Variants in FBXO47 observed in about 807,000 individuals in gnomAD.
FBXO47 encodes the protein F-box protein 47, also known as F-box only protein 47.
FBXO47 carries 34 observed loss-of-function variants against 53.9 expected under a neutral mutation model. The ratio of observed to expected loss-of-function variants is 0.63; its 90% confidence interval spans 0.48 to 0.84. The LOEUF is 0.84. FBXO47 is among the 40% of genes least tolerant of loss of function. The pLI, the probability that FBXO47 is intolerant of heterozygous loss-of-function variation, is 0.00. For missense variants in FBXO47, 485 were observed against 541.3 expected, an observed-to-expected ratio of 0.90 and a Z score of 1.03; for synonymous variants, 165 against 181.6, an observed-to-expected ratio of 0.91 and a Z score of 0.73.
At chr17:38,964,316 C>T (rs914369276) in intron 1 of FBXO47, among the ~76,000 whole-genome samples, 22 of 152,022 alleles carry the variant, frequency 1.4e-4, no homozygotes, top group African/African-American at 5.3e-4. Flanking sequence ...AAAAATTAGG[C>T]TGGGCCCAGT....
chr17:38,955,112 G>A (rs541218495), intron 4 of FBXO47, among the ~76,000 whole-genome samples, 179 bp from the exon 5 acceptor site: 23 of 152,290 alleles, frequency 1.5e-4, no homozygotes, highest in African/African-American at 4.6e-4. Flanking sequence ...TCTCGGCTGC[G>A]CGCGGTGGCT....
intron 3 of FBXO47, among the ~76,000 whole-genome samples, chr17:38,959,160 A>C (rs894011086): frequency 1.3e-5 from 2 of 152,094 alleles, no homozygotes; most frequent in Non-Finnish European, 2.9e-5. Context: ...TAAAAAAAAA[A>C]AACAACCACA....
chr17:38,939,823 G>A lies in FBXO47; in HGVS notation c.1084-1091C>T, dbSNP rs554040561. On this transcript the variant is annotated intron_variant, in intron 9 of 10. Coordinates refer to ENST00000378079, the MANE Select transcript of FBXO47 (RefSeq NM_001008777.3). ...GCTGGGACTACAGGCGCCCGCCACCGCGCCCGGCTAATTTTTTGTATTTTT... is the reference window on the plus strand; with the variant it reads ...GCTGGGACTACAGGCGCCCGCCACCACGCCCGGCTAATTTTTTGTATTTTT... 4.7e-5 allele frequency among the ~76,000 whole-genome samples: 7 copies of A among 150,048 alleles called. 1 individual carries two copies. Among genetic ancestry groups the A allele is most frequent in the African/African-American group, 1.2e-4 (5 of 40,576 alleles).
intron 6 of FBXO47, among the ~76,000 whole-genome samples, chr17:38,949,751 C>A (rs1383520482): frequency 6.6e-6 from 1 of 152,118 alleles, no homozygotes; most frequent in African/African-American, 2.4e-5. Flanking sequence ...CTTTGCTTTT[C>A]TGAGACAGTG....
Position 38,937,092 on chromosome 17 carries a change from G to T in FBXO47, c.*83C>A. The T allele has an allele frequency of 1.9e-6, 1 of 531,816 alleles. No homozygotes were observed. The allele number at this position is 531,816 out of a possible 1,614,324, so 32.9% of individuals were successfully genotyped here. On this transcript the variant is annotated 3_prime_UTR_variant, in exon 11 of 11. Transcript: ENST00000378079. ...TACTTAGATGATAAAAAGTCCCATG[G>T]ATGCTATTTTTTGAGTGAAAAAGTA...
At chr17:38,959,579 CAAAAAAAAAA>C (rs749435702) in intron 3 of FBXO47, among the ~76,000 whole-genome samples, 1 of 27,858 alleles carries the variant, frequency 3.6e-5, no homozygotes, top group Admixed American at 4.2e-4. Flanking sequence ...GACTCTGCCT[CAAAAAAAAAA>C]AAAAAAAAAA....
chr17:38,961,856 A>C (rs1293817872), intron 3 of FBXO47, 21 bp downstream of exon 3: 1 of 1,597,734 alleles, frequency 6.3e-7, no homozygotes, highest in African/African-American at 1.4e-5. Context: ...TACTTGTTGC[A>C]ATTCTCATTA....
intron 5 of FBXO47, 48 bp downstream of exon 5, chr17:38,954,808 A>G: frequency 4.7e-6 from 5 of 1,074,474 alleles, no homozygotes; most frequent in Non-Finnish European, 6.9e-6. Flanking sequence ...TCTATTTGTT[A>G]TCAGTTCCAA....
In FBXO47 at chr17:38,963,011, T is replaced by C. The variant is rs1905896524; in HGVS notation, c.15A>G (p.Ile5Met). 3 of 1,612,046 alleles carry C rather than the reference T, an allele frequency of 1.9e-6. No homozygotes were observed. Among genetic ancestry groups the C allele is most frequent in the Middle Eastern group, 1.7e-4 (1 of 6,048 alleles). MASR[I>M]NTNFTLIPNQ... The stretch of plus-strand genomic sequence containing the variant: ...TGGGAATCAAAGTGAAATTTGTATT[T>C]ATTCTGGATGCCATTCTTCTTCTTG... The change falls in exon 2 of 11, where the codon ATA (isoleucine) becomes ATG (methionine). Residue 5 changes from isoleucine (I) to methionine (M), a missense_variant. Transcript: ENST00000378079.
chr17:38,963,238 C>T (rs1013744623), intron 1 of FBXO47, among the ~76,000 whole-genome samples, 187 bp from the exon 2 acceptor site: 76 of 151,782 alleles, frequency 5.0e-4, no homozygotes, highest in Non-Finnish European at 7.4e-5. Context: ...AGTGCAATGG[C>T]GTAATCTCGG....
rs1478055792 is a variant in FBXO47, at chr17:38,961,931, C to T, written c.298G>A (p.Glu100Lys). ...RLLLQDFHNLELPDRRQDSAI... is the reference protein window; with the variant it reads ...RLLLQDFHNLKLPDRRQDSAI... ...GAGTCTTGTCTCCTGTCAGGCAGCT[C>T]AAGGTTATGAAAGTCCTGTAGTAAA... Residue 100 changes from glutamate (E) to lysine (K), a missense_variant, in exon 3 of 11, where the codon GAG becomes AAG. Glu to Lys is a moderately conservative substitution (Grantham distance 56). Transcript: ENST00000378079. 3.7e-6 allele frequency: 6 copies of T among 1,613,920 alleles called. No homozygotes were observed. In the Admixed American group the frequency reaches 8.3e-5, roughly 22 times the overall value.
chr17:38,946,412 A>C lies in FBXO47; in HGVS notation c.617-1276T>G, dbSNP rs1244352125. 1.4e-4 allele frequency among the ~76,000 whole-genome samples: 13 copies of C among 93,492 alleles called. 1 individual carries two copies. The highest frequency in any genetic ancestry group is 3.6e-4 in the South Asian group (1 of 2,758). 61.3% of individuals were successfully genotyped at this position (93,492 alleles called of 152,430 possible). On this transcript the variant is annotated intron_variant, in intron 6 of 10. Coordinates refer to ENST00000378079, the MANE Select transcript of FBXO47 (RefSeq NM_001008777.3). The stretch of plus-strand genomic sequence containing the variant: ...TATATCTATATATAAATATATAGAT[A>C]TATATATAACTATATAAATATATAT...
At chr17:38,966,710 C>T (rs1598152642) in intron 1 of FBXO47, among the ~76,000 whole-genome samples, 1 of 151,990 alleles carries the variant, frequency 6.6e-6, no homozygotes, top group Non-Finnish European at 1.5e-5. Flanking sequence ...AATGATAAGC[C>T]CAAATTCTTC....
chr17:38,944,190 C>A (rs1226613645), intron 7 of FBXO47, among the ~76,000 whole-genome samples: 1 of 122,650 alleles, frequency 8.2e-6, no homozygotes, highest in African/African-American at 2.9e-5. Context: ...TCAAAAAAAA[C>A]ATGTGTGTGT....
chr17:38,941,460 A>C (rs1199679069), intron 9 of FBXO47, among the ~76,000 whole-genome samples: 1 of 151,426 alleles, frequency 6.6e-6, no homozygotes, highest in Non-Finnish European at 1.5e-5. Flanking sequence ...ATGAGCCATC[A>C]TGTCCGGCCA....
At chr17:38,963,865 T>G (rs1281057915) in intron 1 of FBXO47, among the ~76,000 whole-genome samples, 3 of 147,604 alleles carry the variant, frequency 2.0e-5, no homozygotes, top group Admixed American at 6.9e-5. Flanking sequence ...GGCATGATGA[T>G]AGCTCATTGC....
At chr17:38,947,795 A>C (rs1905016466) in intron 6 of FBXO47, among the ~76,000 whole-genome samples, 1 of 152,072 alleles carries the variant, frequency 6.6e-6, no homozygotes, top group African/African-American at 2.4e-5. Context: ...CTGTAGTCCC[A>C]GCTACTTGGG....
chr17:38,946,522 G>A (rs1439331377), intron 6 of FBXO47, among the ~76,000 whole-genome samples: 38 of 64,412 alleles, frequency 5.9e-4, no homozygotes, highest in South Asian at 2.0e-3. Context: ...AAATATATAT[G>A]AATATATATA....
chr17:38,957,096 G>T, intron 4 of FBXO47, 81 bp downstream of exon 4: 1 of 880,344 alleles, frequency 1.1e-6, no homozygotes, highest in Non-Finnish European at 1.8e-6. Flanking sequence ...TACTAATATA[G>T]AGTAAAATGA....
Sources: gnomAD v4.1 joint callset for allele counts (sites outside exome capture counted in the v4.1 genomes callset) on GRCh38, gnomAD v4.1.1 for gene constraint, MANE v1.5 for transcripts, NCBI Gene and HGNC (gene_info 2026-07-23, HGNC 2026-07-21) for gene names.